Variants in AADAC observed in about 807,000 individuals in gnomAD.
AADAC encodes arylacetamide deacetylase.
AADAC carries 17 observed loss-of-function variants against 22.7 expected under a neutral mutation model. The ratio of observed to expected loss-of-function variants is 0.75; its 90% CI spans 0.51 to 1.12. AADAC has a LOEUF of 1.12. Among genes scored for constraint, AADAC ranks in the 50% most tolerant of loss-of-function variants. AADAC has a pLI of 0.00. For missense variants in AADAC, 465 were observed against 473.9 expected (o/e 0.98, Z 0.17); for synonymous variants, 167 against 176.3 (o/e 0.95, Z 0.42).
chr3:151,817,715 C>A, intron 2 of AADAC, 127 bp downstream of exon 2: 2 of 819,112 alleles, frequency 2.4e-6, no homozygotes, highest in South Asian at 1.8e-5. Flanking sequence ...GTGCTTTGTT[C>A]TGGCAAAGTT....
At chr3:151,824,923 A>G (rs1341807348) in intron 4 of AADAC, 89 bp downstream of exon 4, 10 of 1,058,158 alleles carry the variant, frequency 9.5e-6, no homozygotes, top group Admixed American at 3.8e-5. Context: ...GCATGTATTA[A>G]AATATGAATG....
At chr3:151,819,354 T>C (rs1716136257) in intron 2 of AADAC, among the ~76,000 whole-genome samples, 1 of 151,972 alleles carries the variant, frequency 6.6e-6, no homozygotes, top group African/African-American at 2.4e-5. Context: ...GAAGTATGTC[T>C]CTTGGATGTT....
chr3:151,819,915 CT>C (rs1383066504), intron 2 of AADAC, among the ~76,000 whole-genome samples: 1 of 151,998 alleles, frequency 6.6e-6, no homozygotes, highest in Admixed American at 6.6e-5. Flanking sequence ...ATTCAGGTGC[CT>C]TTTCTATTGT....
chr3:151,820,523 T>TTTTG (rs1234519602), intron 3 of AADAC, 71 bp downstream of exon 3: 31 of 1,126,662 alleles, frequency 2.8e-5, no homozygotes, highest in African/African-American at 3.5e-5. Context: ...TTTCTTTTTT[T>TTTTG]TTTTTTTTTT....
In AADAC at chr3:151,824,377, A is replaced by G. The variant is rs149288593; in HGVS notation, c.432-286A>G. Among the ~76,000 whole-genome samples, 523 of 152,140 alleles carry G rather than the reference A, an allele frequency of 3.4e-3. 5 individuals are homozygous for G. The highest frequency in any genetic ancestry group is 0.012 in the African/African-American group (492 of 41,554). On this transcript the variant is annotated intron_variant, in intron 3 of 4. Transcript: ENST00000232892. ...TATTTAAAGGCCAAAACTAGGCAAAATTAATTTATGCTGTTATGTCAAATT... is the reference window on the plus strand; with the variant it reads ...TATTTAAAGGCCAAAACTAGGCAAAGTTAATTTATGCTGTTATGTCAAATT...
At chr3:151,819,470 T>C (rs2108028592) in intron 2 of AADAC, among the ~76,000 whole-genome samples, 1 of 151,974 alleles carries the variant, frequency 6.6e-6, no homozygotes, top group East Asian at 1.9e-4. Flanking sequence ...GAAAATAAAA[T>C]GGTTAGAATA....
chr3:151,820,997 A>C (rs1716231270), intron 3 of AADAC, among the ~76,000 whole-genome samples: 2 of 151,466 alleles, frequency 1.3e-5, no homozygotes, highest in South Asian at 2.1e-4. Context: ...AAAAGTAAAA[A>C]TTTTTTTCAC....
At position 151,827,883 on chromosome 3, in the gene AADAC, G is replaced by T; in HGVS notation, c.911G>T (p.Ser304Ile). 1 of 1,612,294 alleles carries T rather than the reference G, an allele frequency of 6.2e-7. No homozygotes were observed. Among genetic ancestry groups the T allele is most frequent in the East Asian group, 2.2e-5 (1 of 44,882 alleles). ...GHVYNNPNYG[S>I]SELAKKYPGF... ...GTTTATAACAATCCAAATTATGGCA[G>T]TTCTGAGCTGGCTAAAAAATATCCA... Residue 304 changes from serine (S) to isoleucine (I), a missense_variant, in exon 5 of 5, where the codon AGT (serine) becomes ATT (isoleucine). Coordinates refer to ENST00000232892, the MANE Select transcript of AADAC (RefSeq NM_001086.3).
At chr3:151,815,882 C>T (rs1715966909) in intron 1 of AADAC, among the ~76,000 whole-genome samples, 1 of 151,828 alleles carries the variant, frequency 6.6e-6, no homozygotes, top group Non-Finnish European at 1.5e-5. Flanking sequence ...AAATGTCTGG[C>T]AATCTTTGAG....
At chr3:151,819,386 T>C (rs1243302180) in intron 2 of AADAC, among the ~76,000 whole-genome samples, 4 of 151,914 alleles carry the variant, frequency 2.6e-5, no homozygotes, top group Non-Finnish European at 5.9e-5. Context: ...GTTAATATTG[T>C]TGAGGAGAGA....
chr3:151,826,846 C>G (rs1716516614), intron 4 of AADAC, among the ~76,000 whole-genome samples: 1 of 151,900 alleles, frequency 6.6e-6, no homozygotes, highest in African/African-American at 2.4e-5. Flanking sequence ...AGCATCAAAG[C>G]CATGTCAGAA....
chr3:151,819,004 CTA>C lies in AADAC; in HGVS notation c.362-1378_362-1377del, dbSNP rs1311991297. On this transcript the variant is annotated intron_variant, in intron 2 of 4. Coordinates refer to ENST00000232892, the MANE Select transcript of AADAC (RefSeq NM_001086.3). ...CCTACTAAGTTAAGAACTCTGAACT[CTA>C]GAGAGGAAGAATAAATTAGTCCTGA... Among the ~76,000 whole-genome samples the C allele has an allele frequency of 4.0e-5, 6 of 151,842 alleles. No individual in the cohort carries two copies. The East Asian group carries it at 1.2e-3, about 29-fold the overall frequency.
chr3:151,827,728 A>G lies in AADAC; in HGVS notation c.756A>G (p.Glu252=). Residue 252 remains glutamate (E), a synonymous_variant, in exon 5 of 5, where the codon GAA becomes GAG. Coordinates refer to ENST00000232892, the MANE Select transcript of AADAC (RefSeq NM_001086.3). ...CACTCATGGTCAGATTCTGGAGTGA[A>G]TATTTTACCACTGATAGATCACTTG... ...SKSLMVRFWS[E]YFTTDRSLEK... 6.2e-7 allele frequency: 1 copy of G among 1,613,196 alleles called. No individual in the cohort carries two copies. The highest frequency in any genetic ancestry group is 8.5e-7 in the Non-Finnish European group (1 of 1,179,442).
intron 4 of AADAC, among the ~76,000 whole-genome samples, chr3:151,826,648 T>A (rs1224880053): frequency 6.6e-6 from 1 of 152,008 alleles, no homozygotes; most frequent in African/African-American, 2.4e-5. Flanking sequence ...TTTCACAATT[T>A]AAAACATATT....
intron 2 of AADAC, 141 bp downstream of exon 2, chr3:151,817,729 CT>C: frequency 1.4e-6 from 1 of 734,980 alleles, no homozygotes; most frequent in East Asian, 2.7e-5. Context: ...CAAAGTTTTA[CT>C]TTTCCCTGAA....
At chr3:151,820,043 C>A (rs1303525017) in intron 2 of AADAC, among the ~76,000 whole-genome samples, 11 of 151,952 alleles carry the variant, frequency 7.2e-5, no homozygotes, top group Non-Finnish European at 2.9e-5. Context: ...TCTTTGTATA[C>A]CCATCATCTA....
chr3:151,827,464 C>T, intron 4 of AADAC, 112 bp from the exon 5 acceptor site: 1 of 662,566 alleles, frequency 1.5e-6, no homozygotes. Flanking sequence ...TTTTTGAGAT[C>T]ATGAATAGAT....
In AADAC at chr3:151,827,760, C is replaced by G. The variant is rs1244034474; in HGVS notation, c.788C>G (p.Ala263Gly). Residue 263 changes from alanine to glycine, a missense_variant, in exon 5 of 5, where the codon GCC becomes GGC. Physicochemically the swap from Ala to Gly is moderately conservative, Grantham distance 60 (BLOSUM62 0). Coordinates refer to ENST00000232892, the MANE Select transcript of AADAC (RefSeq NM_001086.3). ...ACCACTGATAGATCACTTGAAAAAG[C>G]CATGCTTTCCAGACAACATGTACCT... ...YFTTDRSLEKAMLSRQHVPVE... is the reference protein window; with the variant it reads ...YFTTDRSLEKGMLSRQHVPVE... The G allele has an allele frequency of 7.4e-6, 12 of 1,613,054 alleles. No individual in the cohort carries two copies. Among genetic ancestry groups the G allele is most frequent in the Non-Finnish European group, 1.0e-5 (12 of 1,179,488 alleles).
At position 151,827,871 on chromosome 3, in the gene AADAC, C is replaced by T. The variant is rs777942033; in HGVS notation, c.899C>T (p.Pro300Leu). ...RFIKGHVYNN[P>L]NYGSSELAKK... The stretch of plus-strand genomic sequence containing the variant: ...ATAAAAGGACATGTTTATAACAATC[C>T]AAATTATGGCAGTTCTGAGCTGGCT... Residue 300 changes from proline to leucine, a missense_variant, in exon 5 of 5, where the codon CCA becomes CTA. Coordinates refer to ENST00000232892, the MANE Select transcript of AADAC (RefSeq NM_001086.3). 6.2e-7 allele frequency: 1 copy of T among 1,612,440 alleles called. No individual in the cohort carries two copies. Among genetic ancestry groups the T allele is most frequent in the Non-Finnish European group, 8.5e-7 (1 of 1,179,364 alleles).
Sources: gnomAD v4.1 joint callset for allele counts (sites outside exome capture counted in the v4.1 genomes callset) on GRCh38, gnomAD v4.1.1 for gene constraint, MANE v1.5 for transcripts, NCBI Gene and HGNC (gene_info 2026-07-23, HGNC 2026-07-21) for gene names.